GALNTL5: variants seen among roughly 807,000 people sequenced by gnomAD.
GALNTL5 encodes the protein polypeptide N-acetylgalactosaminyltransferase like 5.
A neutral mutation model predicts 51.0 loss-of-function variants in GALNTL5; 44 were observed. That is an observed-to-expected ratio of 0.86 (90% CI 0.68 to 1.11). The LOEUF is 1.11. GALNTL5 is among the 50% of genes least tolerant of loss of function. The pLI is 0.00. For synonymous variants in GALNTL5, 192 were observed against 182.8 expected, an observed-to-expected ratio of 1.05 and a Z score of -0.41; for missense variants, 528 against 531.8, an observed-to-expected ratio of 0.99 and a Z score of 0.07.
At chr7:152,006,774 CT>C (rs1284392632) in intron 6 of GALNTL5, among the ~76,000 whole-genome samples, 1 of 151,502 alleles carries the variant, frequency 6.6e-6, no homozygotes, top group East Asian at 1.9e-4. Flanking sequence ...TTTTCTTTTT[CT>C]TTTTTTTGGG....
intron 7 of GALNTL5, among the ~76,000 whole-genome samples, chr7:152,010,760 C>T (rs760448250): frequency 1.1e-4 from 16 of 141,548 alleles, no homozygotes; most frequent in Non-Finnish European, 2.4e-4. Context: ...CAGAGCGAGA[C>T]TCTGTCTCAA....
At chr7:151,996,784 A>G (rs6948317) in intron 5 of GALNTL5, among the ~76,000 whole-genome samples, 36,530 of 139,776 alleles carry the variant, frequency 0.26, 4,560 homozygotes, top group Middle Eastern at 0.34. Flanking sequence ...GCAATAACAT[A>G]ACGTGTAGGT....
intron 5 of GALNTL5, among the ~76,000 whole-genome samples, chr7:151,990,514 G>A (rs1231666392): frequency 1.6e-5 from 2 of 128,150 alleles, no homozygotes; most frequent in East Asian, 4.9e-4. Flanking sequence ...CCGGGAGGCG[G>A]AGCTTGCAGT....
intron 5 of GALNTL5, among the ~76,000 whole-genome samples, chr7:151,998,284 T>C (rs935619317): frequency 2.6e-5 from 4 of 152,076 alleles, no homozygotes; most frequent in African/African-American, 9.7e-5. Context: ...CTTGCCTGTT[T>C]TATGAATAAA....
intron 5 of GALNTL5, among the ~76,000 whole-genome samples, chr7:152,000,635 T>G (rs1251662923): frequency 6.6e-6 from 1 of 152,214 alleles, no homozygotes; most frequent in African/African-American, 2.4e-5. Context: ...AAGGGATACC[T>G]CACTGTGATT....
intron 7 of GALNTL5, among the ~76,000 whole-genome samples, chr7:152,009,451 C>T (rs1300656906): frequency 6.6e-6 from 1 of 152,182 alleles, no homozygotes; most frequent in African/African-American, 2.4e-5. Flanking sequence ...TCCTGGTTTG[C>T]CTTCCATTGC....
intron 4 of GALNTL5, among the ~76,000 whole-genome samples, chr7:151,983,872 C>T (rs1355380207): frequency 2.0e-5 from 3 of 152,146 alleles, no homozygotes; most frequent in Non-Finnish European, 4.4e-5. Context: ...GTAGTCTATG[C>T]ATGAGTATAG....
intron 1 of GALNTL5, among the ~76,000 whole-genome samples, chr7:151,964,509 C>G (rs545658844): frequency 6.6e-6 from 1 of 152,238 alleles, no homozygotes; most frequent in African/African-American, 2.4e-5. Flanking sequence ...GGGAATTTCC[C>G]TGCACAAACT....
At chr7:151,966,840 A>G (rs2151938753) in intron 1 of GALNTL5, among the ~76,000 whole-genome samples, 1 of 152,288 alleles carries the variant, frequency 6.6e-6, no homozygotes, top group East Asian at 1.9e-4. Context: ...TACATTTTTA[A>G]CAAGCTGCTT....
At chr7:151,972,294 C>G (rs767477432) in intron 3 of GALNTL5, among the ~76,000 whole-genome samples, 3 of 152,178 alleles carry the variant, frequency 2.0e-5, no homozygotes, top group Non-Finnish European at 4.4e-5. Context: ...AGCAAAGAGA[C>G]TGGTGGCATT....
At chr7:152,006,619 T>C (rs1266751166) in intron 6 of GALNTL5, among the ~76,000 whole-genome samples, 2 of 152,150 alleles carry the variant, frequency 1.3e-5, no homozygotes, top group East Asian at 3.9e-4. Flanking sequence ...GATCCCATTA[T>C]TTTTCTCTGC....
At position 152,002,925 on chromosome 7, in the gene GALNTL5, T is replaced by C; in HGVS notation, c.870T>C (p.Tyr290=). ...LQFKWDNVFS[Y]EMDGPEGSTK... ...TTAAATGGGATAATGTTTTCTCTTATGAGATGGATGGACCAGAAGGATCTA... is the reference window on the plus strand; with the variant it reads ...TTAAATGGGATAATGTTTTCTCTTACGAGATGGATGGACCAGAAGGATCTA... Residue 290 remains tyrosine, a synonymous_variant, in exon 6 of 9, where the codon TAT becomes TAC. Coordinates refer to ENST00000392800, the MANE Select transcript of GALNTL5 (RefSeq NM_145292.4). The C allele has an allele frequency of 6.2e-7, 1 of 1,613,906 alleles. No individual in the cohort carries two copies. Among genetic ancestry groups the C allele is most frequent in the East Asian group, 2.2e-5 (1 of 44,894 alleles).
intron 5 of GALNTL5, among the ~76,000 whole-genome samples, chr7:151,999,658 G>A (rs1330805761): frequency 6.6e-6 from 1 of 152,102 alleles, no homozygotes; most frequent in Non-Finnish European, 1.5e-5. Flanking sequence ...CTTCTTAGGA[G>A]AACCAGATGT....
chr7:151,985,045 C>T (rs931724362), intron 4 of GALNTL5, among the ~76,000 whole-genome samples: 2 of 152,166 alleles, frequency 1.3e-5, no homozygotes, highest in African/African-American at 4.8e-5. Context: ...AGGGTGCCAG[C>T]AGGATCGAGT....
At position 152,001,102 on chromosome 7, in the gene GALNTL5, G is replaced by A. The variant is rs181871077; in HGVS notation, c.659-1612G>A. ...TTTTTTTTGTATTTTTAATAGAGACGGGGTTTCGCTATGTTGGCCAGGCTG... is the reference window on the plus strand; with the variant it reads ...TTTTTTTTGTATTTTTAATAGAGACAGGGTTTCGCTATGTTGGCCAGGCTG... On this transcript the variant is annotated intron_variant, in intron 5 of 8. Transcript: ENST00000392800. 1.6e-3 allele frequency among the ~76,000 whole-genome samples: 221 copies of A among 141,660 alleles called. 2 individuals are homozygous for A. Among genetic ancestry groups the A allele is most frequent in the South Asian group, 7.2e-3 (34 of 4,750 alleles). The allele number at this position is 141,660 out of a possible 152,430, so 92.9% of individuals were successfully genotyped here.
intron 8 of GALNTL5, among the ~76,000 whole-genome samples, chr7:152,017,851 T>C (rs1320426551): frequency 2.0e-5 from 3 of 152,120 alleles, no homozygotes; most frequent in East Asian, 1.9e-4. Context: ...TTCTTTTTTT[T>C]TTTCTTTCTT....
intron 3 of GALNTL5, among the ~76,000 whole-genome samples, chr7:151,982,182 G>T (rs1432949797): frequency 6.6e-6 from 1 of 152,164 alleles, no homozygotes; most frequent in African/African-American, 2.4e-5. Flanking sequence ...GGAGGCTGAG[G>T]CAGGTGGATC....
At chr7:151,990,416 T>TA (rs1406259193) in intron 5 of GALNTL5, among the ~76,000 whole-genome samples, 1 of 150,650 alleles carries the variant, frequency 6.6e-6, no homozygotes, top group Non-Finnish European at 1.5e-5. Context: ...CCTTCTCTAC[T>TA]AAAAATACAA....
At chr7:151,985,210 G>T (rs2081345722) in intron 4 of GALNTL5, among the ~76,000 whole-genome samples, 1 of 152,142 alleles carries the variant, frequency 6.6e-6, no homozygotes, top group East Asian at 1.9e-4. Context: ...TTTGAATTTT[G>T]GTGGGGACAC....
Sources: gnomAD v4.1 joint callset for allele counts (sites outside exome capture counted in the v4.1 genomes callset) on GRCh38, gnomAD v4.1.1 for gene constraint, MANE v1.5 for transcripts, NCBI Gene and HGNC (gene_info 2026-07-23, HGNC 2026-07-21) for gene names.